Variants in RNGTT observed in about 807,000 individuals in gnomAD.
RNGTT encodes mRNA-capping enzyme.
RNGTT carries 33 observed loss-of-function variants against 79.3 expected under a neutral mutation model. The ratio of observed to expected loss-of-function variants is 0.42; its 90% CI spans 0.32 to 0.56. The LOEUF (loss-of-function observed/expected upper bound fraction) is 0.56, where lower values mean the gene tolerates loss of function less well. Among genes scored for constraint, RNGTT ranks in the 20% least tolerant of loss-of-function variants. The probability of loss-of-function intolerance (pLI) is 0.17; values close to 1 mark genes in which losing one functional copy is unlikely to be tolerated. For synonymous variants in RNGTT, 222 were observed against 235.9 expected (o/e 0.94, Z 0.54); for missense variants, 497 against 739.1 (o/e 0.67, Z 3.80).
At chr6:88,885,155 A>G (rs557154104) in intron 8 of RNGTT, among the ~76,000 whole-genome samples, 1 of 152,088 alleles carries the variant, frequency 6.6e-6, no homozygotes, top group South Asian at 2.1e-4. Context: ...TCCTAGCTCT[A>G]TCTTCTGAGA....
intron 12 of RNGTT, among the ~76,000 whole-genome samples, chr6:88,797,599 G>C (rs917798385): frequency 1.3e-5 from 2 of 151,942 alleles, no homozygotes; most frequent in African/African-American, 4.8e-5. Context: ...AGTTCTTTTG[G>C]AGAGTTTAAA....
At chr6:88,736,053 T>G (rs185619783) in intron 13 of RNGTT, among the ~76,000 whole-genome samples, 4 of 152,196 alleles carry the variant, frequency 2.6e-5, no homozygotes, top group Admixed American at 6.5e-5. Flanking sequence ...CTAAGAACAC[T>G]CTATGCTCAC....
rs182822710 is a variant in RNGTT, at chr6:88,904,275, A to G, written c.684+440T>C. 9.9e-4 allele frequency among the ~76,000 whole-genome samples: 151 copies of G among 152,328 alleles called. 2 individuals are homozygous for G. The East Asian group carries it at 0.026, about 26-fold the overall frequency. On this transcript the variant is annotated intron_variant, in intron 6 of 15. Coordinates refer to ENST00000369485, the MANE Select transcript of RNGTT (RefSeq NM_003800.5). ...TCTTTGAAAAGACAGACTCGTGGCT[A>G]TTAAGAACCTTTAAAGGCCAAGCAC...
chr6:88,630,793 T>G (rs1473903130), intron 14 of RNGTT, among the ~76,000 whole-genome samples: 1 of 152,164 alleles, frequency 6.6e-6, no homozygotes, highest in African/African-American at 2.4e-5. Flanking sequence ...CTGTGAATTT[T>G]GTTTTTTAGT....
At chr6:88,835,447 T>C (rs1377437075) in intron 11 of RNGTT, among the ~76,000 whole-genome samples, 1 of 152,140 alleles carries the variant, frequency 6.6e-6, no homozygotes, top group Non-Finnish European at 1.5e-5. Context: ...CATGAGAAAT[T>C]TGTCAAAGAA....
intron 13 of RNGTT, among the ~76,000 whole-genome samples, chr6:88,762,312 C>G (rs1308893014): frequency 1.3e-5 from 2 of 152,182 alleles, no homozygotes; most frequent in African/African-American, 2.4e-5. Context: ...AATAAAAGCC[C>G]CTTCAACCAG....
intron 14 of RNGTT, among the ~76,000 whole-genome samples, chr6:88,616,985 T>C (rs899720811): frequency 6.6e-6 from 1 of 152,198 alleles, no homozygotes; most frequent in African/African-American, 2.4e-5. Flanking sequence ...CCTAAAGATT[T>C]GTCCTGGCCG....
chr6:88,724,783 G>A (rs1268303593), intron 13 of RNGTT, among the ~76,000 whole-genome samples: 2 of 151,888 alleles, frequency 1.3e-5, no homozygotes, highest in Non-Finnish European at 2.9e-5. Flanking sequence ...AACCTTTTTC[G>A]ATTACCTGCT....
At chr6:88,754,923 A>T (rs1777958810) in intron 13 of RNGTT, among the ~76,000 whole-genome samples, 1 of 152,184 alleles carries the variant, frequency 6.6e-6, no homozygotes, top group Non-Finnish European at 1.5e-5. Context: ...CTGTCAATAA[A>T]TATATGGGTA....
chr6:88,815,418 TG>T (rs1780283894), intron 11 of RNGTT, among the ~76,000 whole-genome samples: 1 of 152,176 alleles, frequency 6.6e-6, no homozygotes, highest in African/African-American at 2.4e-5. Flanking sequence ...CTGAGTTTTG[TG>T]GGTCATACCA....
intron 11 of RNGTT, among the ~76,000 whole-genome samples, chr6:88,804,972 G>C (rs1179858893): frequency 1.3e-5 from 2 of 152,226 alleles, no homozygotes; most frequent in Non-Finnish European, 2.9e-5. Flanking sequence ...CATAATCTTA[G>C]AAGTGCTTTG....
intron 13 of RNGTT, among the ~76,000 whole-genome samples, chr6:88,746,881 C>T (rs192244846): frequency 9.9e-5 from 15 of 152,266 alleles, no homozygotes; most frequent in African/African-American, 2.6e-4. Context: ...GGGCACAACA[C>T]GCTACTATGA....
Position 88,745,449 on chromosome 6 carries a change from C to T in RNGTT, c.1439+24325G>A, listed in dbSNP as rs550555501. On this transcript the variant is annotated intron_variant, in intron 13 of 15. Coordinates refer to ENST00000369485, the MANE Select transcript of RNGTT (RefSeq NM_003800.5). ...CAAGTTATTACAACAAAAGGATGCACAGAAAATCAGCAAAGGGAAAAGACA... is the reference window on the plus strand; with the variant it reads ...CAAGTTATTACAACAAAAGGATGCATAGAAAATCAGCAAAGGGAAAAGACA... Among the ~76,000 whole-genome samples the T allele has an allele frequency of 1.4e-4, 22 of 152,198 alleles. 1 individual carries two copies. The South Asian group carries it at 4.6e-3, about 32-fold the overall frequency.
intron 13 of RNGTT, among the ~76,000 whole-genome samples, chr6:88,712,294 G>T (rs1241277695): frequency 6.6e-6 from 1 of 152,122 alleles, no homozygotes; most frequent in Non-Finnish European, 1.5e-5. Flanking sequence ...GGAAATAAAA[G>T]GTATAATAAA....
intron 14 of RNGTT, among the ~76,000 whole-genome samples, chr6:88,624,963 A>G (rs1427595993): frequency 6.6e-6 from 1 of 151,972 alleles, no homozygotes; most frequent in Non-Finnish European, 1.5e-5. Flanking sequence ...ATAAGCAAAT[A>G]AAAATACTGT....
chr6:88,710,546 T>G (rs180821447), intron 13 of RNGTT, among the ~76,000 whole-genome samples: 10 of 152,334 alleles, frequency 6.6e-5, no homozygotes, highest in African/African-American at 2.4e-4. Context: ...CTTCTCTTTT[T>G]AAAATGCTGC....
intron 14 of RNGTT, among the ~76,000 whole-genome samples, chr6:88,646,636 A>G (rs1354010689): frequency 6.6e-6 from 1 of 152,240 alleles, no homozygotes; most frequent in Non-Finnish European, 1.5e-5. Context: ...AATGTGGCAC[A>G]TATACACCAT....
At chr6:88,745,480 G>A (rs1777630541) in intron 13 of RNGTT, among the ~76,000 whole-genome samples, 1 of 151,986 alleles carries the variant, frequency 6.6e-6, no homozygotes, top group African/African-American at 2.4e-5. Flanking sequence ...AGACACATGG[G>A]GTGATACATA....
chr6:88,723,401 C>T (rs1335077775), intron 13 of RNGTT, among the ~76,000 whole-genome samples: 1 of 152,164 alleles, frequency 6.6e-6, no homozygotes, highest in Non-Finnish European at 1.5e-5. Context: ...CAGTACAACC[C>T]TATAAAACTT....
Sources: gnomAD v4.1 joint callset for allele counts (sites outside exome capture counted in the v4.1 genomes callset) on GRCh38, gnomAD v4.1.1 for gene constraint, MANE v1.5 for transcripts, NCBI Gene and HGNC (gene_info 2026-07-23, HGNC 2026-07-21) for gene names.